Variants in TNIK observed in about 807,000 individuals in gnomAD.
The protein encoded by TNIK is TRAF2 and NCK-interacting protein kinase.
In TNIK, 49 loss-of-function variants were observed where a neutral mutation model predicts 191.3. That is an observed-to-expected ratio of 0.26 (90% CI 0.20 to 0.32). The LOEUF (loss-of-function observed/expected upper bound fraction) is 0.32. TNIK is among the 10% of genes least tolerant of loss of function. TNIK has a pLI of 1.00. For synonymous variants in TNIK, 594 were observed against 600.9 expected (o/e 0.99, Z 0.17); for missense variants, 1,155 against 1,702.3 (o/e 0.68, Z 5.66).
At chr3:171,459,223 CAG>C (rs2108750878) in intron 1 of TNIK, among the ~76,000 whole-genome samples, 1 of 141,032 alleles carries the variant, frequency 7.1e-6, no homozygotes, top group East Asian at 2.2e-4. Flanking sequence ...AAAACACACA[CAG>C]ACACACACAC....
intron 4 of TNIK, among the ~76,000 whole-genome samples, chr3:171,207,459 A>G (rs1740240748): frequency 1.3e-5 from 2 of 152,016 alleles, no homozygotes; most frequent in Admixed American, 1.3e-4. Context: ...CTTGGTCTCC[A>G]AAAGTACTGG....
intron 2 of TNIK, among the ~76,000 whole-genome samples, chr3:171,328,327 G>T (rs1292524163): frequency 3.3e-5 from 5 of 152,080 alleles, no homozygotes; most frequent in Non-Finnish European, 1.5e-5. Context: ...GGCAAGTAAG[G>T]GTTTGTTATT....
intron 11 of TNIK, among the ~76,000 whole-genome samples, 163 bp downstream of exon 11, chr3:171,161,107 G>A (rs1459584659): frequency 6.6e-6 from 1 of 152,126 alleles, no homozygotes; most frequent in Non-Finnish European, 1.5e-5. Context: ...GGTCTGCCTA[G>A]GGAAATTTTC....
intron 2 of TNIK, among the ~76,000 whole-genome samples, chr3:171,359,532 C>T (rs1466162159): frequency 6.6e-5 from 10 of 152,104 alleles, no homozygotes; most frequent in Non-Finnish European, 1.5e-4. Flanking sequence ...GCAAAGTGAG[C>T]AACAGGACCA....
chr3:171,449,695 T>C (rs1391228087), intron 1 of TNIK, among the ~76,000 whole-genome samples: 1 of 152,166 alleles, frequency 6.6e-6, no homozygotes, highest in African/African-American at 2.4e-5. Flanking sequence ...TTTCTCCATT[T>C]TCCAAATTTT....
chr3:171,069,919 C>A (rs114129966), intron 29 of TNIK, among the ~76,000 whole-genome samples: 9 of 152,338 alleles, frequency 5.9e-5, no homozygotes, highest in Non-Finnish European at 1.3e-4. Context: ...GGCTTGGCCT[C>A]TTGCCAGTTC....
intron 12 of TNIK, among the ~76,000 whole-genome samples, chr3:171,143,596 G>C (rs935667251): frequency 3.3e-5 from 5 of 152,212 alleles, no homozygotes; most frequent in Non-Finnish European, 7.3e-5. Context: ...CTGACGGTAT[G>C]GCTACCTTTC....
intron 22 of TNIK, among the ~76,000 whole-genome samples, chr3:171,098,121 A>G (rs1184412175): frequency 6.7e-6 from 1 of 150,148 alleles, no homozygotes; most frequent in African/African-American, 2.4e-5. Context: ...AAGGTATAGC[A>G]TAGAAAAAAG....
At chr3:171,064,826 C>T (rs1560061553) in intron 32 of TNIK, among the ~76,000 whole-genome samples, 1 of 152,208 alleles carries the variant, frequency 6.6e-6, no homozygotes, top group Non-Finnish European at 1.5e-5. Context: ...AGTCTAAAGT[C>T]TCTGCTACTT....
intron 1 of TNIK, among the ~76,000 whole-genome samples, chr3:171,443,865 T>A (rs1204876364): frequency 6.6e-6 from 1 of 152,150 alleles, no homozygotes; most frequent in African/African-American, 2.4e-5. Context: ...AATTCCCTGA[T>A]ACTTTAATGA....
chr3:171,403,643 AG>A (rs1169098447), intron 1 of TNIK, among the ~76,000 whole-genome samples: 3 of 150,278 alleles, frequency 2.0e-5, no homozygotes, highest in African/African-American at 7.3e-5. Flanking sequence ...AGAAAAGAAA[AG>A]GGGGTGAATA....
intron 2 of TNIK, among the ~76,000 whole-genome samples, chr3:171,298,376 T>C (rs925690955): frequency 1.3e-5 from 2 of 152,236 alleles, no homozygotes; most frequent in Non-Finnish European, 2.9e-5. Context: ...GCCAGACTGA[T>C]AGTTTGACTT....
At chr3:171,199,738 A>G (rs1367300872) in intron 4 of TNIK, among the ~76,000 whole-genome samples, 1 of 152,232 alleles carries the variant, frequency 6.6e-6, no homozygotes, top group East Asian at 1.9e-4. Context: ...CACTACCACT[A>G]TGATAAAATA....
At chr3:171,091,662 G>A (rs1722071020) in intron 23 of TNIK, among the ~76,000 whole-genome samples, 1 of 152,006 alleles carries the variant, frequency 6.6e-6, no homozygotes, top group Non-Finnish European at 1.5e-5. Context: ...CTGAACCCAG[G>A]AGGTGGAGGT....
At chr3:171,119,643 T>C (rs1727337794) in intron 18 of TNIK, among the ~76,000 whole-genome samples, 1 of 152,064 alleles carries the variant, frequency 6.6e-6, no homozygotes, top group African/African-American at 2.4e-5. Flanking sequence ...ATGTCCTTTG[T>C]AGGGACATGT....
chr3:171,445,184 CTT>C (rs1727335182), intron 1 of TNIK, among the ~76,000 whole-genome samples: 1 of 151,988 alleles, frequency 6.6e-6, no homozygotes, highest in Non-Finnish European at 1.5e-5. Context: ...AATCCTAGCA[CTT>C]TGAGAGGCTG....
chr3:171,083,168 G>T (rs1438414626), intron 26 of TNIK, among the ~76,000 whole-genome samples: 1 of 152,158 alleles, frequency 6.6e-6, no homozygotes, highest in East Asian at 1.9e-4. Flanking sequence ...GAGGCTCATT[G>T]TGCAGTGTAC....
At chr3:171,367,486 A>C (rs904348266) in intron 2 of TNIK, among the ~76,000 whole-genome samples, 1 of 53,864 alleles carries the variant, frequency 1.9e-5, no homozygotes, top group African/African-American at 6.5e-5. Flanking sequence ...GGGGGGGGGG[A>C]GGGGACAGAG....
chr3:171,064,380 T>C (rs1380958979), intron 32 of TNIK, among the ~76,000 whole-genome samples: 1 of 152,240 alleles, frequency 6.6e-6, no homozygotes, highest in Non-Finnish European at 1.5e-5. Context: ...GACTTCAGGA[T>C]GGAAGGGAAT....
Sources: allele counts gnomAD v4.1 joint callset (sites outside exome capture counted in the v4.1 genomes callset), GRCh38; gene constraint gnomAD v4.1.1; transcripts MANE v1.5; gene names NCBI Gene and HGNC (gene_info 2026-07-23, HGNC 2026-07-21).